The following KCNIP4 variants were observed in gnomAD, a reference collection of about 807,000 sequenced individuals.
KCNIP4 encodes the protein Kv channel-interacting protein 4.
KCNIP4 carries 12 observed loss-of-function variants against 34.0 expected under a neutral mutation model. The ratio of observed to expected loss-of-function variants is 0.35; its 90% confidence interval spans 0.23 to 0.57. The LOEUF is 0.57. Ranked by LOEUF, KCNIP4 falls within the 20% of genes least tolerant of loss-of-function variation. The pLI, the probability that KCNIP4 is intolerant of heterozygous loss-of-function variation, is 0.83. For missense variants in KCNIP4, 238 were observed against 311.7 expected, an observed-to-expected ratio of 0.76 and a Z score of 1.78; for synonymous variants, 124 against 102.2, an observed-to-expected ratio of 1.21 and a Z score of -1.29.
chr4:21,026,067 T>C (rs1317048932), intron 1 of KCNIP4, among the ~76,000 whole-genome samples: 1 of 152,046 alleles, frequency 6.6e-6, no homozygotes, highest in Non-Finnish European at 1.5e-5. Context: ...AAGAGTGTAA[T>C]AAAGGACAAA....
At chr4:21,442,493 A>G (rs1472799210) in intron 1 of KCNIP4, among the ~76,000 whole-genome samples, 1 of 152,214 alleles carries the variant, frequency 6.6e-6, no homozygotes, top group East Asian at 1.9e-4. Context: ...TAGGTTGATA[A>G]TGATTGCTGC....
intron 1 of KCNIP4, among the ~76,000 whole-genome samples, chr4:21,947,886 C>T (rs1342336355): frequency 1.3e-5 from 2 of 152,342 alleles, no homozygotes; most frequent in African/African-American, 4.8e-5. Context: ...ATGGATCCCA[C>T]CAAACAGCAA....
chr4:21,866,674 G>T lies in KCNIP4; in HGVS notation c.61+81897C>A, dbSNP rs112324415. Among the ~76,000 whole-genome samples, 1,194 of 151,408 alleles carry T rather than the reference G, an allele frequency of 7.9e-3. 16 individuals carry two copies. The highest frequency in any genetic ancestry group is 0.027 in the African/African-American group (1,129 of 41,282). On this transcript the variant is annotated intron_variant, in intron 1 of 8. Coordinates refer to ENST00000382152, the MANE Select transcript of KCNIP4 (RefSeq NM_025221.6). ...ACAAAGTACTTGGTCCATAAATACTGGTCAAACTGTATTTCTGTTTCAGAA... is the reference window on the plus strand; with the variant it reads ...ACAAAGTACTTGGTCCATAAATACTTGTCAAACTGTATTTCTGTTTCAGAA...
At chr4:21,695,352 CA>C (rs1712193690) in intron 1 of KCNIP4, among the ~76,000 whole-genome samples, 1 of 151,844 alleles carries the variant, frequency 6.6e-6, no homozygotes, top group Non-Finnish European at 1.5e-5. Context: ...TCACATTTCT[CA>C]GGTCATAAAT....
chr4:21,080,366 T>C (rs897917269), intron 1 of KCNIP4, among the ~76,000 whole-genome samples: 1 of 151,994 alleles, frequency 6.6e-6, no homozygotes, highest in Non-Finnish European at 1.5e-5. Flanking sequence ...ATTTTCATTA[T>C]TATGCTTACC....
At chr4:21,005,196 T>A (rs1055196632) in intron 1 of KCNIP4, among the ~76,000 whole-genome samples, 2 of 152,166 alleles carry the variant, frequency 1.3e-5, no homozygotes, top group African/African-American at 4.8e-5. Flanking sequence ...CAGATTATAA[T>A]GTTAGCTGCA....
chr4:21,272,501 C>G (rs992283751), intron 1 of KCNIP4, among the ~76,000 whole-genome samples: 4 of 152,128 alleles, frequency 2.6e-5, no homozygotes, highest in African/African-American at 9.7e-5. Flanking sequence ...AAATTGGCAG[C>G]AAAACTCAGG....
In KCNIP4 at chr4:21,341,073, G is replaced by A. The variant is rs115500391; in HGVS notation, c.62-458364C>T. On this transcript the variant is annotated intron_variant, in intron 1 of 8. Coordinates refer to ENST00000382152, the MANE Select transcript of KCNIP4 (RefSeq NM_025221.6). ...TAAGACCATGTGAAAACACACAGCG[G>A]AAGGAAAGCTATATGACAATAGAGT... 5.1e-3 allele frequency among the ~76,000 whole-genome samples: 771 copies of A among 152,140 alleles called. 5 individuals are homozygous for A. The highest frequency in any genetic ancestry group is 0.017 in the African/African-American group (721 of 41,530).
At chr4:21,391,168 T>C (rs747402788) in intron 1 of KCNIP4, among the ~76,000 whole-genome samples, 6 of 152,190 alleles carry the variant, frequency 3.9e-5, no homozygotes, top group Non-Finnish European at 7.3e-5. Flanking sequence ...TGATATAAAA[T>C]ACTATTAAGT....
At chr4:21,065,767 A>ATATAG (rs1553933180) in intron 1 of KCNIP4, among the ~76,000 whole-genome samples, 2 of 96,244 alleles carry the variant, frequency 2.1e-5, no homozygotes, top group Non-Finnish European at 2.2e-5. Flanking sequence ...TATATATATA[A>ATATAG]CTCAATTTTA....
chr4:21,695,793 C>T lies in KCNIP4; in HGVS notation c.61+252778G>A, dbSNP rs570653507. ...GGAAAGGACAGACAACCATGGAAAC[C>T]TCATGGAAAGCTTTCTTTTATAAAA... On this transcript the variant is annotated intron_variant, in intron 1 of 8. Transcript: ENST00000382152. 1.3e-3 allele frequency among the ~76,000 whole-genome samples: 195 copies of T among 152,180 alleles called. 7 individuals carry two copies. In the South Asian group the frequency reaches 0.035, roughly 28 times the overall value.
At chr4:21,458,042 C>T (rs548872804) in intron 1 of KCNIP4, among the ~76,000 whole-genome samples, 13 of 151,418 alleles carry the variant, frequency 8.6e-5, no homozygotes, top group Non-Finnish European at 1.5e-4. Context: ...GTGCTCATTG[C>T]GCAGGTTAGT....
At chr4:20,893,862 A>T (rs552436484) in intron 1 of KCNIP4, among the ~76,000 whole-genome samples, 1 of 151,744 alleles carries the variant, frequency 6.6e-6, no homozygotes, top group Non-Finnish European at 1.5e-5. Context: ...AACACAAATA[A>T]CTCTTATTTA....
chr4:20,733,444 GCA>G (rs1187634526), intron 6 of KCNIP4, among the ~76,000 whole-genome samples: 3 of 152,096 alleles, frequency 2.0e-5, no homozygotes, highest in Non-Finnish European at 4.4e-5. Flanking sequence ...ATTTATTGTT[GCA>G]CATTTGTTTC....
chr4:21,102,050 A>G (rs1265671895), intron 1 of KCNIP4, among the ~76,000 whole-genome samples: 2 of 152,164 alleles, frequency 1.3e-5, no homozygotes, highest in Non-Finnish European at 2.9e-5. Context: ...TCACCCTGCA[A>G]TCCTTTGCCT....
intron 1 of KCNIP4, among the ~76,000 whole-genome samples, chr4:21,011,044 A>C (rs2149731985): frequency 6.6e-6 from 1 of 152,346 alleles, no homozygotes; most frequent in East Asian, 1.9e-4. Context: ...CAGTAGCAAC[A>C]ATATATGCAT....
rs564276137 is a variant in KCNIP4 at position 20,966,921 on chromosome 4, T to A, written c.62-84212A>T. 8.7e-4 allele frequency among the ~76,000 whole-genome samples: 133 copies of A among 152,300 alleles called. 2 individuals carry two copies. In the South Asian group the frequency reaches 0.024, roughly 28 times the overall value. ...GCACTCTGTGAAGTTGGTATTATGA[T>A]GATTTTCATCTTATGGGCAGGAGAA... On this transcript the variant is annotated intron_variant, in intron 1 of 8. Coordinates refer to ENST00000382152, the MANE Select transcript of KCNIP4 (RefSeq NM_025221.6).
chr4:20,849,127 T>C (rs1368558675), intron 3 of KCNIP4, among the ~76,000 whole-genome samples: 1 of 152,170 alleles, frequency 6.6e-6, no homozygotes, highest in East Asian at 1.9e-4. Context: ...TTTGTATGTA[T>C]TGTCTTGATA....
At chr4:21,497,127 A>G (rs1159067771) in intron 1 of KCNIP4, among the ~76,000 whole-genome samples, 1 of 152,196 alleles carries the variant, frequency 6.6e-6, no homozygotes, top group African/African-American at 2.4e-5. Context: ...TCTCATCTGT[A>G]AAACATAGAC....
Sources: allele counts gnomAD v4.1 joint callset (sites outside exome capture counted in the v4.1 genomes callset), GRCh38; gene constraint gnomAD v4.1.1; transcripts MANE v1.5; gene names NCBI Gene and HGNC (gene_info 2026-07-23, HGNC 2026-07-21).